The following EYS variants were observed in gnomAD, a reference collection of about 807,000 sequenced individuals.
EYS encodes the protein EGF-like photoreceptor maintenance factor, also known as protein eyes shut homolog.
EYS carries 250 observed loss-of-function variants against 282.1 expected under a neutral mutation model. That is an observed-to-expected ratio of 0.89 (90% CI 0.80 to 0.98). EYS has a LOEUF of 0.98. Among genes scored for constraint, EYS ranks in the 50% least tolerant of loss-of-function variants. The probability of loss-of-function intolerance (pLI) is 0.00; values close to 1 mark genes in which losing one functional copy is unlikely to be tolerated. For missense variants in EYS, 4,016 were observed against 3,709.0 expected (o/e 1.08, Z -2.15); for synonymous variants, 1,355 against 1,282.9 (o/e 1.06, Z -1.20).
At chr6:65,393,615 CTTAG>C (rs998097457) in intron 7 of EYS, among the ~76,000 whole-genome samples, 33 of 152,216 alleles carry the variant, frequency 2.2e-4, no homozygotes, top group Admixed American at 5.2e-4. Context: ...ACAGTGCATA[CTTAG>C]TTAGTTATAT....
intron 22 of EYS, among the ~76,000 whole-genome samples, chr6:64,646,761 C>T (rs560898342): frequency 6.6e-6 from 1 of 151,070 alleles, no homozygotes; most frequent in South Asian, 2.1e-4. Context: ...GCTGAGATTG[C>T]GCCACTGCAC....
intron 12 of EYS, among the ~76,000 whole-genome samples, chr6:65,261,954 G>C (rs1221455572): frequency 6.6e-6 from 1 of 151,582 alleles, no homozygotes; most frequent in African/African-American, 2.4e-5. Flanking sequence ...TATATTTATG[G>C]ACACGTTCCT....
intron 12 of EYS, among the ~76,000 whole-genome samples, chr6:65,122,782 T>TA (rs1255380346): frequency 6.6e-6 from 1 of 152,104 alleles, no homozygotes; most frequent in Non-Finnish European, 1.5e-5. Context: ...GTAAATCATC[T>TA]AAAATCTTAA....
intron 13 of EYS, among the ~76,000 whole-genome samples, chr6:65,029,468 C>T (rs1236223365): frequency 6.6e-6 from 1 of 152,090 alleles, no homozygotes; most frequent in African/African-American, 2.4e-5. Flanking sequence ...GACCCTTGAA[C>T]AGCATAGGTT....
At chr6:65,686,202 C>T (rs1336178374) in intron 1 of EYS, among the ~76,000 whole-genome samples, 2 of 151,962 alleles carry the variant, frequency 1.3e-5, no homozygotes, top group Non-Finnish European at 2.9e-5. Flanking sequence ...CTCTAGAGGT[C>T]TTTATTTAGA....
intron 16 of EYS, among the ~76,000 whole-genome samples, chr6:64,906,542 T>C (rs1475477482): frequency 2.6e-5 from 4 of 152,174 alleles, no homozygotes; most frequent in African/African-American, 9.6e-5. Flanking sequence ...AACATAATGA[T>C]AGTATATATA....
At chr6:64,794,863 C>A (rs1774305590) in intron 22 of EYS, among the ~76,000 whole-genome samples, 1 of 152,108 alleles carries the variant, frequency 6.6e-6, no homozygotes, top group Non-Finnish European at 1.5e-5. Context: ...CCACCAACCA[C>A]CCACACACAG....
At chr6:63,848,444 G>T (rs1489269664) in intron 36 of EYS, among the ~76,000 whole-genome samples, 2 of 151,956 alleles carry the variant, frequency 1.3e-5, no homozygotes, top group African/African-American at 4.8e-5. Flanking sequence ...AAGACCAACG[G>T]AGAAGGCGGG....
intron 30 of EYS, among the ~76,000 whole-genome samples, chr6:64,233,211 G>A (rs182801169): frequency 6.6e-5 from 10 of 152,222 alleles, no homozygotes; most frequent in Non-Finnish European, 1.5e-4. Context: ...GCTATCAATT[G>A]ATCCGAAAAC....
chr6:64,669,591 G>C (rs1343893569), intron 22 of EYS, among the ~76,000 whole-genome samples: 1 of 152,168 alleles, frequency 6.6e-6, no homozygotes, highest in African/African-American at 2.4e-5. Flanking sequence ...TTAAGTGATT[G>C]CATTTATTTT....
At chr6:64,620,244 A>G (rs1767401626) in intron 23 of EYS, among the ~76,000 whole-genome samples, 1 of 152,106 alleles carries the variant, frequency 6.6e-6, no homozygotes, top group African/African-American at 2.4e-5. Flanking sequence ...CACTCTTAGG[A>G]TTTTTGAGTT....
At chr6:65,619,622 G>A (rs1295886485) in intron 2 of EYS, among the ~76,000 whole-genome samples, 1 of 151,856 alleles carries the variant, frequency 6.6e-6, no homozygotes, top group African/African-American at 2.4e-5. Context: ...GGGCATCCCT[G>A]TCTTGTGCCC....
At chr6:65,576,494 A>C (rs1211605318) in intron 2 of EYS, among the ~76,000 whole-genome samples, 1 of 151,970 alleles carries the variant, frequency 6.6e-6, no homozygotes, top group African/African-American at 2.4e-5. Flanking sequence ...AAAAAGTTGG[A>C]AGATTTTCCT....
chr6:65,339,282 A>C (rs1770108186), intron 10 of EYS, among the ~76,000 whole-genome samples: 1 of 151,160 alleles, frequency 6.6e-6, no homozygotes, highest in Non-Finnish European at 1.5e-5. Context: ...CCAAAAATAG[A>C]ATGCAGGAGA....
chr6:64,282,433 C>T (rs1054517440), intron 30 of EYS, among the ~76,000 whole-genome samples: 1 of 152,106 alleles, frequency 6.6e-6, no homozygotes, highest in African/African-American at 2.4e-5. Flanking sequence ...ATAATCCAAT[C>T]ATTTAATTCT....
chr6:65,096,532 G>C (rs1048324044), intron 12 of EYS, among the ~76,000 whole-genome samples: 1 of 150,752 alleles, frequency 6.6e-6, no homozygotes, highest in Non-Finnish European at 1.5e-5. Context: ...AACCCTCATA[G>C]ATGAAACAAT....
intron 22 of EYS, among the ~76,000 whole-genome samples, chr6:64,750,699 T>G (rs1423290298): frequency 6.6e-6 from 1 of 152,196 alleles, no homozygotes; most frequent in Non-Finnish European, 1.5e-5. Context: ...TGGAGGCTTT[T>G]AGAGCATCTC....
chr6:64,496,408 A>G (rs1776891456), intron 26 of EYS, among the ~76,000 whole-genome samples: 1 of 152,004 alleles, frequency 6.6e-6, no homozygotes, highest in African/African-American at 2.4e-5. Context: ...TATACTGTAA[A>G]CCTAGTAGTT....
chr6:64,727,770 G>A (rs1315723062), intron 22 of EYS, among the ~76,000 whole-genome samples: 1 of 152,114 alleles, frequency 6.6e-6, no homozygotes, highest in Admixed American at 6.6e-5. Context: ...ACATAGTATG[G>A]ACTTCATTTA....
Sources: allele counts gnomAD v4.1 joint callset (sites outside exome capture counted in the v4.1 genomes callset), GRCh38; gene constraint gnomAD v4.1.1; transcripts MANE v1.5; gene names NCBI Gene and HGNC (gene_info 2026-07-23, HGNC 2026-07-21).